The following PTPRO variants were observed in gnomAD, a reference collection of about 807,000 sequenced individuals.
The protein encoded by PTPRO is receptor-type tyrosine-protein phosphatase O.
Under a neutral mutation model 145.2 loss-of-function variants are expected in PTPRO, and 62 were observed. The observed-to-expected ratio is 0.43, with a 90% CI of 0.35 to 0.53. The LOEUF (loss-of-function observed/expected upper bound fraction) is 0.53, where lower values mean the gene tolerates loss of function less well. PTPRO is among the 20% of genes least tolerant of loss of function. PTPRO has a pLI of 0.01. For synonymous variants in PTPRO, 565 were observed against 514.7 expected (o/e 1.10, Z -1.32); for missense variants, 1,345 against 1,482.7 (o/e 0.91, Z 1.53).
At chr12:15,520,680 A>C (rs1239179472) in intron 10 of PTPRO, among the ~76,000 whole-genome samples, 1 of 152,050 alleles carries the variant, frequency 6.6e-6, no homozygotes, top group Non-Finnish European at 1.5e-5. Flanking sequence ...GAGTGCCTCC[A>C]TTTTCTTATT....
intron 11 of PTPRO, 52 bp downstream of exon 11, chr12:15,525,017 A>G: frequency 6.3e-7 from 1 of 1,585,112 alleles, no homozygotes; most frequent in South Asian, 1.1e-5. Context: ...AGTTTTATGA[A>G]CTATTGAAAA....
intron 1 of PTPRO, among the ~76,000 whole-genome samples, chr12:15,403,502 G>A (rs1939559464): frequency 6.6e-6 from 1 of 152,170 alleles, no homozygotes; most frequent in African/African-American, 2.4e-5. Context: ...AGAATGGCGT[G>A]AACCCGGCAG....
chr12:15,495,573 C>A (rs981106586), intron 2 of PTPRO, among the ~76,000 whole-genome samples: 2 of 151,616 alleles, frequency 1.3e-5, no homozygotes, highest in Non-Finnish European at 2.9e-5. Flanking sequence ...TTTCTGTCAA[C>A]CTAAAATCGT....
rs1944656338 is a variant in PTPRO at position 15,596,205 on chromosome 12, T to A, written c.*132T>A. The A allele has an allele frequency of 6.6e-6, 1 of 152,604 alleles. No individual in the cohort carries two copies. The allele number at this position is 152,604 out of a possible 1,614,324, so 9.5% of individuals were successfully genotyped here. ...GTAATATGTGGCCAAGGAGATAATT[T>A]ATCTCACAGAAGCACCGGGAAGACT... On this transcript the variant is annotated 3_prime_UTR_variant, in exon 27 of 27. Coordinates refer to ENST00000281171, the MANE Select transcript of PTPRO (RefSeq NM_030667.3).
chr12:15,530,514 C>A (rs898086752), intron 12 of PTPRO, among the ~76,000 whole-genome samples: 2 of 152,134 alleles, frequency 1.3e-5, no homozygotes, highest in Non-Finnish European at 2.9e-5. Flanking sequence ...AAGTACATAT[C>A]ATATCAAGTA....
chr12:15,327,901 G>A (rs557201308), intron 1 of PTPRO, among the ~76,000 whole-genome samples: 19 of 152,034 alleles, frequency 1.2e-4, no homozygotes, highest in Non-Finnish European at 2.5e-4. Context: ...ATCACCTGAG[G>A]TCAGGAATTC....
chr12:15,493,235 A>C (rs1942034912), intron 2 of PTPRO, among the ~76,000 whole-genome samples: 1 of 152,122 alleles, frequency 6.6e-6, no homozygotes, highest in South Asian at 2.1e-4. Context: ...CTAGAATTTT[A>C]TACCCAGATA....
chr12:15,470,820 G>C (rs1191766394), intron 1 of PTPRO, among the ~76,000 whole-genome samples: 1 of 152,206 alleles, frequency 6.6e-6, no homozygotes, highest in African/African-American at 2.4e-5. Flanking sequence ...GATGAGTAAT[G>C]GTCAAGGAAA....
chr12:15,583,494 C>A (rs1405323595), intron 23 of PTPRO, among the ~76,000 whole-genome samples: 215 of 145,120 alleles, frequency 1.5e-3, no homozygotes, highest in South Asian at 4.2e-3. Context: ...CACACACACA[C>A]ACACAAAAAA....
At chr12:15,513,920 TGAGTA>T (rs2136497124) in intron 7 of PTPRO, among the ~76,000 whole-genome samples, 1 of 152,296 alleles carries the variant, frequency 6.6e-6, no homozygotes, top group South Asian at 2.1e-4. Context: ...ATGCTAATAA[TGAGTA>T]GAGTCAGGAT....
Position 15,448,339 on chromosome 12 carries a change from T to TAAAAAAAAAAAAAAAAAAAAAAAAAAAA in PTPRO, c.76-35614_76-35613insAAAAAAAAAAAAAAAAAAAAAAAAAAAA, listed in dbSNP as rs56136736. Among the ~76,000 whole-genome samples the TAAAAAAAAAAAAAAAAAAAAAAAAAAAA allele has an allele frequency of 1.3e-4, 6 of 45,046 alleles. 2 individuals are homozygous for TAAAAAAAAAAAAAAAAAAAAAAAAAAAA. Among genetic ancestry groups the TAAAAAAAAAAAAAAAAAAAAAAAAAAAA allele is most frequent in the Admixed American group, 4.7e-4 (1 of 2,122 alleles). The allele number at this position is 45,046 out of a possible 152,430, so 29.6% of individuals were successfully genotyped here. A position where few individuals can be genotyped will look rare whatever the true frequency, so the allele number is the denominator to read the frequency against. On this transcript the variant is annotated intron_variant, in intron 1 of 26. Coordinates refer to ENST00000281171, the MANE Select transcript of PTPRO (RefSeq NM_030667.3). ...CTCTATTCTATCTTCCTGTTCCTAG[T>TAAAAAAAAAAAAAAAAAAAAAAAAAAAA]AAAAAAAAAAAAAAAAAAAAAGCAC...
chr12:15,542,553 A>G (rs2135542036), intron 12 of PTPRO, among the ~76,000 whole-genome samples: 1 of 152,290 alleles, frequency 6.6e-6, no homozygotes, highest in East Asian at 1.9e-4. Flanking sequence ...CTTCTACTCT[A>G]GGCAATAAGA....
chr12:15,562,002 C>A (rs1319935807), intron 17 of PTPRO, among the ~76,000 whole-genome samples: 1 of 152,078 alleles, frequency 6.6e-6, no homozygotes, highest in Non-Finnish European at 1.5e-5. Context: ...CGAGGCCCAA[C>A]TTATGGGGAG....
intron 1 of PTPRO, among the ~76,000 whole-genome samples, chr12:15,367,517 A>G: frequency 6.6e-6 from 1 of 152,318 alleles, no homozygotes; most frequent in East Asian, 1.9e-4. Context: ...TATTTTTTTC[A>G]GACTCCTAAA....
chr12:15,361,438 C>CAAAAAAAAAAAA (rs71042244), intron 1 of PTPRO, among the ~76,000 whole-genome samples: 2 of 71,294 alleles, frequency 2.8e-5, no homozygotes, highest in African/African-American at 5.7e-5. Flanking sequence ...GACTCAGTCT[C>CAAAAAAAAAAAA]AAAAAAAAAA....
chr12:15,401,780 A>G (rs1462991640), intron 1 of PTPRO, among the ~76,000 whole-genome samples: 1 of 152,226 alleles, frequency 6.6e-6, no homozygotes, highest in South Asian at 2.1e-4. Flanking sequence ...TTGATTGCAC[A>G]TCTTGTTCTT....
intron 11 of PTPRO, 92 bp from the exon 12 acceptor site, chr12:15,526,050 G>A (rs1382087648): frequency 2.1e-6 from 3 of 1,451,746 alleles, no homozygotes; most frequent in East Asian, 2.3e-5. Context: ...GAACAGAGAG[G>A]GAATGTGTCT....
intron 1 of PTPRO, among the ~76,000 whole-genome samples, chr12:15,482,182 TG>T: frequency 7.0e-6 from 1 of 142,352 alleles, no homozygotes; most frequent in East Asian, 2.3e-4. Context: ...TATATATATG[TG>T]TGTGTGTGGA....
chr12:15,423,873 T>C (rs1940212616), intron 1 of PTPRO, among the ~76,000 whole-genome samples: 2 of 152,178 alleles, frequency 1.3e-5, no homozygotes, highest in Non-Finnish European at 2.9e-5. Context: ...TGAGAGATGA[T>C]GCAATGGGGA....
Sources: allele counts gnomAD v4.1 joint callset (sites outside exome capture counted in the v4.1 genomes callset), GRCh38; gene constraint gnomAD v4.1.1; transcripts MANE v1.5; gene names NCBI Gene and HGNC (gene_info 2026-07-23, HGNC 2026-07-21).